CTNNA2: variants seen among roughly 807,000 people sequenced by gnomAD.
The protein encoded by CTNNA2 is catenin alpha 2, also known as catenin alpha-2.
In CTNNA2, 42 loss-of-function variants were observed where a neutral mutation model predicts 101.0. The observed-to-expected ratio is 0.42, with a 90% CI of 0.32 to 0.54. The LOEUF (loss-of-function observed/expected upper bound fraction) is 0.54, where lower values mean the gene tolerates loss of function less well. Among genes scored for constraint, CTNNA2 ranks in the 20% least tolerant of loss-of-function variants. The probability of loss-of-function intolerance (pLI) is 0.14; values close to 1 mark genes in which losing one functional copy is unlikely to be tolerated. For synonymous variants in CTNNA2, 450 were observed against 456.4 expected (o/e 0.99, Z 0.18); for missense variants, 871 against 1,223.1 (o/e 0.71, Z 4.29).
rs1677325104 is a variant in CTNNA2, at chr2:79,349,018, T to C, written c.-317-24813T>C. 2.0e-5 allele frequency among the ~76,000 whole-genome samples: 3 copies of C among 152,298 alleles called. No individual in the cohort carries two copies. The South Asian group carries it at 6.2e-4, about 32-fold the overall frequency. On this transcript the variant is annotated intron_variant, in intron 3 of 21. Transcript: ENST00000466387. Reference sequence around the variant, plus strand: ...CAAAGATCATGGAATATCAATACAATATTAAGATAGAAGTCATGATATGCA... The same window carrying C: ...CAAAGATCATGGAATATCAATACAACATTAAGATAGAAGTCATGATATGCA...
At chr2:80,162,605 G>C in intron 7 of CTNNA2, 1 of 1,611,148 alleles carries the variant, frequency 6.2e-7, no homozygotes, top group Non-Finnish European at 8.5e-7. Flanking sequence ...GCTGTTCCCG[G>C]CTATAATGTC....
intron 7 of CTNNA2, among the ~76,000 whole-genome samples, chr2:80,123,682 G>A (rs1348417406): frequency 6.6e-6 from 1 of 152,096 alleles, no homozygotes; most frequent in African/African-American, 2.4e-5. Flanking sequence ...TGTGACAAAT[G>A]TACTTATAAT....
intron 7 of CTNNA2, among the ~76,000 whole-genome samples, chr2:80,381,472 A>AT (rs1054687366): frequency 2.6e-5 from 4 of 152,254 alleles, no homozygotes; most frequent in Non-Finnish European, 5.9e-5. Context: ...CAGTGCTGGC[A>AT]TTTTGGAGGG....
intron 3 of CTNNA2, among the ~76,000 whole-genome samples, chr2:79,769,057 A>G (rs1359939876): frequency 1.3e-5 from 2 of 151,992 alleles, no homozygotes; most frequent in African/African-American, 4.8e-5. Context: ...AGGTTTCATC[A>G]TGTTAGCCAG....
In CTNNA2 at chr2:80,303,442, G is replaced by C. The variant is rs1676566952; in HGVS notation, c.1057-89769G>C. The C allele has an allele frequency of 2.5e-6, 4 of 1,614,102 alleles. No individual in the cohort carries two copies. Among genetic ancestry groups the C allele is most frequent in the African/African-American group, 2.7e-5 (2 of 74,926 alleles). ...GCCGGAAGGTGGTGTTGGGCAGTTG[G>C]GTGATCTGGTTGGAACTCAGCGTGA... On this transcript the variant is annotated intron_variant, in intron 7 of 18. Coordinates refer to ENST00000402739, the MANE Select transcript of CTNNA2 (RefSeq NM_001282597.3). This position sits in a 1 kb window ranked among gnomAD's most constrained non-coding sequence, Gnocchi z 7.7.
At chr2:80,340,108 G>A (rs1320835494) in intron 7 of CTNNA2, among the ~76,000 whole-genome samples, 1 of 152,168 alleles carries the variant, frequency 6.6e-6, no homozygotes, top group Non-Finnish European at 1.5e-5. Flanking sequence ...GGCTTAATCT[G>A]TCTCATGCAA....
chr2:79,186,190 G>C (rs1202704126), intron 1 of CTNNA2, among the ~76,000 whole-genome samples: 1 of 152,146 alleles, frequency 6.6e-6, no homozygotes, highest in Admixed American at 6.5e-5. Context: ...CTTTACACTT[G>C]ATAGTGTCTA....
intron 3 of CTNNA2, among the ~76,000 whole-genome samples, chr2:79,349,479 C>T (rs918459647): frequency 2.0e-5 from 3 of 152,054 alleles, no homozygotes; most frequent in Non-Finnish European, 4.4e-5. Context: ...GACTATTATG[C>T]TATGTACTGG....
intron 3 of CTNNA2, among the ~76,000 whole-genome samples, chr2:79,352,473 C>CT (rs1472806199): frequency 6.6e-6 from 1 of 152,044 alleles, no homozygotes; most frequent in Admixed American, 6.6e-5. Flanking sequence ...GATATTCTCT[C>CT]TTTTTTTCTG....
intron 9 of CTNNA2, among the ~76,000 whole-genome samples, chr2:80,534,878 T>A (rs145828856): frequency 6.2e-4 from 95 of 152,298 alleles, no homozygotes; most frequent in African/African-American, 2.2e-3. Context: ...TATTACTTTG[T>A]TTTTGGTAAT....
intron 9 of CTNNA2, among the ~76,000 whole-genome samples, chr2:80,480,905 C>G (rs1028097622): frequency 3.3e-5 from 5 of 152,004 alleles, no homozygotes; most frequent in Non-Finnish European, 7.4e-5. Flanking sequence ...AAATAAATGA[C>G]TCCTAGGAAT....
chr2:79,746,070 CTT>C (rs34254223), intron 3 of CTNNA2, among the ~76,000 whole-genome samples: 10,728 of 152,268 alleles, frequency 0.07, 468 homozygotes, highest in Non-Finnish European at 0.091. Context: ...CTCACCAACA[CTT>C]GTTTTATTTT....
intron 7 of CTNNA2, among the ~76,000 whole-genome samples, chr2:79,927,162 A>G (rs1424443566): frequency 6.6e-6 from 1 of 152,178 alleles, no homozygotes; most frequent in Non-Finnish European, 1.5e-5. Context: ...TGCAAAGGAA[A>G]GTTGAGATTA....
At chr2:79,586,481 A>G (rs1573410505) in intron 1 of CTNNA2, among the ~76,000 whole-genome samples, 1 of 147,448 alleles carries the variant, frequency 6.8e-6, no homozygotes, top group African/African-American at 2.5e-5. Context: ...TCTTTTCTAC[A>G]AAGCCTTCTT....
chr2:79,327,271 TGGA>T (rs1375987866), intron 3 of CTNNA2, among the ~76,000 whole-genome samples: 1 of 152,188 alleles, frequency 6.6e-6, no homozygotes, highest in Non-Finnish European at 1.5e-5. Context: ...GTCTCTTAGA[TGGA>T]GAAGAGTGAC....
chr2:80,416,580 C>T (rs879848517), intron 8 of CTNNA2, among the ~76,000 whole-genome samples: 2 of 151,944 alleles, frequency 1.3e-5, no homozygotes, highest in African/African-American at 4.8e-5. Context: ...TCATACTTCC[C>T]CTATAATTAA....
Position 80,304,476 on chromosome 2 carries a change from A to T in CTNNA2, c.1057-88735A>T, listed in dbSNP as rs1459062081. ...AAAAACTCCAAACTCGGGGCTCGCG[A>T]CTCCCCAGGATCTGACAGTCTGGTT... On this transcript the variant is annotated intron_variant, in intron 7 of 18. Transcript: ENST00000402739. 2.0e-5 allele frequency: 3 copies of T among 152,208 alleles called. No homozygotes were observed. In the South Asian group the frequency reaches 6.0e-4, roughly 31 times the overall value. 9.4% of individuals were successfully genotyped at this position (152,208 alleles called of 1,614,324 possible). A position where few individuals can be genotyped will look rare whatever the true frequency, so the allele number is the denominator to read the frequency against.
intron 9 of CTNNA2, among the ~76,000 whole-genome samples, chr2:80,530,114 T>C (rs1451346218): frequency 6.6e-6 from 1 of 152,018 alleles, no homozygotes; most frequent in Non-Finnish European, 1.5e-5. Flanking sequence ...ATGCATCTGC[T>C]GCCCAACAAG....
intron 3 of CTNNA2, among the ~76,000 whole-genome samples, chr2:79,811,958 T>C (rs1286605839): frequency 1.3e-5 from 2 of 152,198 alleles, no homozygotes; most frequent in African/African-American, 2.4e-5. Context: ...AAAGGTATAC[T>C]TAAATATTTT....
Sources: allele counts gnomAD v4.1 joint callset (sites outside exome capture counted in the v4.1 genomes callset), GRCh38; gene constraint gnomAD v4.1.1; non-coding constraint Gnocchi (gnomAD v3.1); transcripts MANE v1.5; gene names NCBI Gene and HGNC (gene_info 2026-07-23, HGNC 2026-07-21).